FBXL13: variants seen among roughly 807,000 people sequenced by gnomAD.
FBXL13 encodes F-box and leucine rich repeat protein 13.
A neutral mutation model predicts 83.6 loss-of-function variants in FBXL13; 67 were observed. The ratio of observed to expected loss-of-function variants is 0.80; its 90% CI spans 0.66 to 0.98. FBXL13 has a LOEUF of 0.98. Ranked by LOEUF, FBXL13 falls within the 50% of genes least tolerant of loss-of-function variation. The pLI is 0.00. For missense variants in FBXL13, 822 were observed against 866.5 expected, an observed-to-expected ratio of 0.95 and a Z score of 0.64; for synonymous variants, 272 against 299.5, an observed-to-expected ratio of 0.91 and a Z score of 0.95.
chr7:102,930,922 C>T (rs1819053763), intron 9 of FBXL13, among the ~76,000 whole-genome samples: 1 of 152,266 alleles, frequency 6.6e-6, no homozygotes, highest in East Asian at 1.9e-4. Flanking sequence ...TGCCAAAGTT[C>T]GTGCTGTTGT....
chr7:102,990,280 C>T (rs983205961), intron 6 of FBXL13, among the ~76,000 whole-genome samples: 2 of 152,102 alleles, frequency 1.3e-5, no homozygotes, highest in Non-Finnish European at 2.9e-5. Flanking sequence ...GAAACCTATC[C>T]TGAGGATAGA....
chr7:102,893,966 G>C (rs200700671), intron 11 of FBXL13, among the ~76,000 whole-genome samples: 1,973 of 144,584 alleles, frequency 0.014, 54 homozygotes, highest in African/African-American at 0.046. Flanking sequence ...AAGAAAGAGA[G>C]AAAGAAAGAA....
chr7:103,046,436 A>T (rs1796285740), intron 2 of FBXL13, among the ~76,000 whole-genome samples: 2 of 152,220 alleles, frequency 1.3e-5, no homozygotes, highest in African/African-American at 4.8e-5. Flanking sequence ...CTTCTAGAAG[A>T]GTGAAGGCCT....
chr7:102,940,002 C>A (rs548859051), intron 8 of FBXL13, among the ~76,000 whole-genome samples: 26 of 151,674 alleles, frequency 1.7e-4, no homozygotes, highest in African/African-American at 6.3e-4. Flanking sequence ...TCAAGCAATT[C>A]TCCTGCCTCA....
At chr7:103,055,663 C>T in exon 2 of FBXL13, 1 of 1,274,600 alleles carries the variant, frequency 7.8e-7, no homozygotes, top group Admixed American at 2.4e-5. Context: ...TTCTGAAGAC[C>T]ACTTTTGATT....
At chr7:102,834,878 ATGTG>A (rs57047697) in intron 17 of FBXL13, among the ~76,000 whole-genome samples, 12,303 of 146,814 alleles carry the variant, frequency 0.084, 503 homozygotes, top group South Asian at 0.13. Context: ...CCATTCCACA[ATGTG>A]TGTGTGTGTG....
At chr7:102,949,111 G>A (rs1443221694) in intron 8 of FBXL13, among the ~76,000 whole-genome samples, 4 of 152,174 alleles carry the variant, frequency 2.6e-5, no homozygotes, top group African/African-American at 4.8e-5. Context: ...GCCCAAAAGA[G>A]TAGCCAATAT....
intron 8 of FBXL13, chr7:102,944,198 TTC>T (rs1316541250): frequency 1.3e-6 from 2 of 1,586,238 alleles, no homozygotes; most frequent in East Asian, 2.2e-5. Flanking sequence ...AATAAATATT[TTC>T]TGTTTCCAGC....
chr7:103,048,188 T>C (rs1255851850), intron 2 of FBXL13, among the ~76,000 whole-genome samples: 1 of 152,108 alleles, frequency 6.6e-6, no homozygotes, highest in Non-Finnish European at 1.5e-5. Context: ...ATTTTAAAGC[T>C]GAAATTTAAT....
intron 16 of FBXL13, chr7:102,874,245 A>G (rs1488260074): frequency 1.6e-6 from 1 of 632,180 alleles, no homozygotes; most frequent in African/African-American, 2.0e-5. Context: ...ACTTACTCAG[A>G]CCTATAATCA....
rs146795003 is a variant in FBXL13, at chr7:102,850,794, T to A, written c.1719+3983A>T. Among the ~76,000 whole-genome samples, 265 of 152,308 alleles carry A rather than the reference T, an allele frequency of 1.7e-3. 3 individuals carry two copies. Among genetic ancestry groups the A allele is most frequent in the Admixed American group, 7.0e-3 (107 of 15,294 alleles). Reference sequence around the variant, plus strand: ...TTATTTAACTCTACACTATTAAATATACTACCAGGCAGATTTCTTAGGGAC... The same window carrying A: ...TTATTTAACTCTACACTATTAAATAAACTACCAGGCAGATTTCTTAGGGAC... On this transcript the variant is annotated intron_variant, in intron 17 of 19. Transcript: ENST00000313221.
chr7:102,959,936 A>G (rs950828719), intron 8 of FBXL13, among the ~76,000 whole-genome samples: 1 of 152,122 alleles, frequency 6.6e-6, no homozygotes. Flanking sequence ...ACATAAAAGA[A>G]AATATAAAAC....
chr7:102,983,948 T>C (rs12537821), intron 6 of FBXL13, among the ~76,000 whole-genome samples: 16,477 of 152,136 alleles, frequency 0.11, 1,081 homozygotes, highest in East Asian at 0.3. Flanking sequence ...ATTCCTGAGC[T>C]CCTTCTTTTC....
intron 11 of FBXL13, among the ~76,000 whole-genome samples, chr7:102,906,968 G>T (rs1001590946): frequency 4.6e-5 from 7 of 151,528 alleles, no homozygotes; most frequent in Admixed American, 2.0e-4. Context: ...TTGTTTGTTT[G>T]TTTTTGTTTT....
At chr7:103,005,918 C>T (rs78177075) in intron 6 of FBXL13, among the ~76,000 whole-genome samples, 2,196 of 152,140 alleles carry the variant, frequency 0.014, 55 homozygotes, top group East Asian at 0.094. Context: ...AAGTTGGCTA[C>T]CATGCAAGTT....
chr7:102,866,776 G>C (rs755097840), intron 16 of FBXL13, among the ~76,000 whole-genome samples: 2 of 152,170 alleles, frequency 1.3e-5, no homozygotes. Flanking sequence ...TAAGTGTTTG[G>C]TTAAGAGGAA....
In FBXL13 at chr7:102,886,080, C is replaced by G. The variant is rs74492472; in HGVS notation, c.1009-1768G>C. 3.8e-3 allele frequency among the ~76,000 whole-genome samples: 578 copies of G among 152,242 alleles called. 5 individuals are homozygous for G. The highest frequency in any genetic ancestry group is 0.014 in the African/African-American group (571 of 41,552). On this transcript the variant is annotated intron_variant, in intron 11 of 19. Transcript: ENST00000313221. ...ATCATTATCCACATTAATGGAAAGA[C>G]CAGTGGCAGAGAGTGTCCGAAATAA...
At chr7:103,001,207 T>A (rs1790371226) in intron 6 of FBXL13, among the ~76,000 whole-genome samples, 1 of 152,106 alleles carries the variant, frequency 6.6e-6, no homozygotes, top group African/African-American at 2.4e-5. Context: ...GTGATCCACC[T>A]GCCTCAGCAT....
At chr7:102,975,764 T>C (rs1827341230) in intron 6 of FBXL13, 1 of 592,236 alleles carries the variant, frequency 1.7e-6, no homozygotes, top group Non-Finnish European at 3.0e-6. Flanking sequence ...CTTCAAAAAC[T>C]TGACAACAGC....
Sources: gnomAD v4.1 joint callset for allele counts (sites outside exome capture counted in the v4.1 genomes callset) on GRCh38, gnomAD v4.1.1 for gene constraint, MANE v1.5 for transcripts, NCBI Gene and HGNC (gene_info 2026-07-23, HGNC 2026-07-21) for gene names.